Variants in GC observed in about 807,000 individuals in gnomAD.
GC encodes vitamin D-binding protein.
A neutral mutation model predicts 56.7 loss-of-function variants in GC; 43 were observed. The ratio of observed to expected loss-of-function variants is 0.76; its 90% CI spans 0.59 to 0.98. The LOEUF (loss-of-function observed/expected upper bound fraction) is 0.98, where lower values mean the gene tolerates loss of function less well. Among genes scored for constraint, GC ranks in the 50% least tolerant of loss-of-function variants. The pLI, the probability that GC is intolerant of heterozygous loss-of-function variation, is 0.00. For synonymous variants in GC, 216 were observed against 202.7 expected (o/e 1.07, Z -0.56); for missense variants, 529 against 545.9 (o/e 0.97, Z 0.31).
At position 71,765,611 on chromosome 4, in the gene GC, A is replaced by G; in HGVS notation, c.294T>C (p.Ser98=). ...CTGGGTGAACGGGGAATGGAGAATT[A>G]CTTTCACAGGACTTGGCAGACAGTG... The part of the protein sequence containing the change: ...TSALSAKSCE[S]NSPFPVHPGT... Residue 98 remains serine, a synonymous_variant, in exon 4 of 13, where the codon AGT becomes AGC. Transcript: ENST00000273951. The G allele has an allele frequency of 1.2e-6, 2 of 1,613,392 alleles. No individual in the cohort carries two copies. Among genetic ancestry groups the G allele is most frequent in the Non-Finnish European group, 1.7e-6 (2 of 1,179,534 alleles).
chr4:71,800,723 C>T (rs1743227203), intron 1 of GC, among the ~76,000 whole-genome samples: 1 of 152,160 alleles, frequency 6.6e-6, no homozygotes, highest in Non-Finnish European at 1.5e-5. Flanking sequence ...TCCTATTTCT[C>T]CACAGCCTTG....
intron 2 of GC, 137 bp downstream of exon 2, chr4:71,769,194 A>AC: frequency 4.8e-6 from 3 of 622,668 alleles, no homozygotes; most frequent in Non-Finnish European, 8.5e-6. Context: ...TCCTGTGCCT[A>AC]CCTTGGGCCT....
intron 2 of GC, among the ~76,000 whole-genome samples, 189 bp from the exon 3 acceptor site, chr4:71,768,622 C>T (rs374427123): frequency 1.5e-4 from 23 of 152,184 alleles, no homozygotes; most frequent in Non-Finnish European, 2.4e-4. Context: ...TGCACCAATA[C>T]GCCCGGCTAA....
At chr4:71,764,851 T>G (rs1343805968) in intron 4 of GC, among the ~76,000 whole-genome samples, 1 of 152,172 alleles carries the variant, frequency 6.6e-6, no homozygotes, top group Non-Finnish European at 1.5e-5. Context: ...TCCCCCAGTT[T>G]TGTTCATTTT....
chr4:71,761,716 A>G (rs1406518951), intron 6 of GC, among the ~76,000 whole-genome samples: 1 of 152,134 alleles, frequency 6.6e-6, no homozygotes, highest in Non-Finnish European at 1.5e-5. Flanking sequence ...TGCTCCAACC[A>G]TGGCTGAAAG....
At chr4:71,799,117 G>C (rs925184509) in intron 1 of GC, among the ~76,000 whole-genome samples, 6 of 152,112 alleles carry the variant, frequency 3.9e-5, no homozygotes, top group Admixed American at 1.3e-4. Context: ...ATAGTGAAAT[G>C]GGTGAAAATT....
At chr4:71,745,580 ATTG>A (rs1388852703) in intron 12 of GC, among the ~76,000 whole-genome samples, 1 of 152,184 alleles carries the variant, frequency 6.6e-6, no homozygotes, top group Non-Finnish European at 1.5e-5. Context: ...GAGAGAAAAT[ATTG>A]TTGTTGAAAT....
chr4:71,803,385 G>GT (rs1468187157), intron 1 of GC, among the ~76,000 whole-genome samples: 1 of 152,150 alleles, frequency 6.6e-6, no homozygotes, highest in Non-Finnish European at 1.5e-5. Flanking sequence ...TTCCCTGGTA[G>GT]TAAGTACACA....
At chr4:71,764,027 G>A in intron 4 of GC, 91 bp from the exon 5 acceptor site, 2 of 956,018 alleles carry the variant, frequency 2.1e-6, no homozygotes, top group South Asian at 2.9e-5. Context: ...CTGTCATCTA[G>A]GCTGGAGTAC....
chr4:71,748,452 A>G (rs1741446825), intron 11 of GC, among the ~76,000 whole-genome samples: 1 of 152,082 alleles, frequency 6.6e-6, no homozygotes, highest in Non-Finnish European at 1.5e-5. Context: ...CCAGCATATT[A>G]CAATGACTTT....
intron 8 of GC, 116 bp from the exon 9 acceptor site, chr4:71,755,223 T>C (rs888274455): frequency 3.0e-6 from 1 of 330,530 alleles, no homozygotes; most frequent in Non-Finnish European, 4.9e-6. Flanking sequence ...AGTGAAGTGG[T>C]GCCATCTTGG....
At chr4:71,794,345 G>A (rs1020597219) in intron 1 of GC, among the ~76,000 whole-genome samples, 2 of 152,132 alleles carry the variant, frequency 1.3e-5, no homozygotes, top group African/African-American at 2.4e-5. Flanking sequence ...TCTGTTATTG[G>A]TCTATTCAGA....
At chr4:71,802,732 T>C (rs1052773046) in intron 1 of GC, among the ~76,000 whole-genome samples, 3 of 152,214 alleles carry the variant, frequency 2.0e-5, no homozygotes, top group Non-Finnish European at 4.4e-5. Flanking sequence ...ATTGATTGGA[T>C]AGCTGTCAAA....
intron 1 of GC, among the ~76,000 whole-genome samples, chr4:71,793,852 G>A (rs545020171): frequency 2.0e-5 from 3 of 152,224 alleles, no homozygotes; most frequent in South Asian, 2.1e-4. Context: ...TTTATTGAGC[G>A]TTTTTAGCAT....
At chr4:71,757,358 C>T (rs144993234) in intron 7 of GC, among the ~76,000 whole-genome samples, 2,508 of 152,156 alleles carry the variant, frequency 0.016, 225 homozygotes, top group Admixed American at 0.14. Context: ...CACAGACATG[C>T]ATTTTTAATG....
rs113128097 is a variant in GC at position 71,792,808 on chromosome 4, C to G, written c.22-8754G>C. On this transcript the variant is annotated intron_variant, in intron 1 of 13. Transcript: ENST00000504199. Reference sequence around the variant, plus strand: ...TATGGTTTTAGGTCTAATATGTAAGCCTTTAATCCATCTTGAATTAATTTT... The same window carrying G: ...TATGGTTTTAGGTCTAATATGTAAGGCTTTAATCCATCTTGAATTAATTTT... 1.7e-4 allele frequency among the ~76,000 whole-genome samples: 26 copies of G among 152,086 alleles called. 2 individuals are homozygous for G. Among genetic ancestry groups the G allele is most frequent in the African/African-American group, 6.3e-4 (26 of 41,518 alleles).
At chr4:71,780,581 A>G (rs1263046407) in intron 1 of GC, among the ~76,000 whole-genome samples, 1 of 152,170 alleles carries the variant, frequency 6.6e-6, no homozygotes, top group African/African-American at 2.4e-5. Context: ...AAGGATATGA[A>G]CAGACACTTC....
intron 8 of GC, among the ~76,000 whole-genome samples, chr4:71,755,354 G>A (rs1416326574): frequency 6.6e-6 from 1 of 151,838 alleles, no homozygotes; most frequent in East Asian, 1.9e-4. Flanking sequence ...GTGGAGACAG[G>A]GTTTCACCAT....
intron 3 of GC, among the ~76,000 whole-genome samples, chr4:71,767,028 T>G (rs1291026745): frequency 6.6e-6 from 1 of 152,198 alleles, no homozygotes; most frequent in Non-Finnish European, 1.5e-5. Context: ...TGCTCTGTCA[T>G]GTTGATGATT....
Sources: allele counts gnomAD v4.1 joint callset (sites outside exome capture counted in the v4.1 genomes callset), GRCh38; gene constraint gnomAD v4.1.1; transcripts MANE v1.5; gene names NCBI Gene and HGNC (gene_info 2026-07-23, HGNC 2026-07-21).